Variants in NDUFAB1 observed in about 807,000 individuals in gnomAD.
The protein encoded by NDUFAB1 is NADH:ubiquinone oxidoreductase subunit AB1.
A neutral mutation model predicts 16.1 loss-of-function variants in NDUFAB1; 5 were observed. The observed-to-expected ratio is 0.31, with a 90% CI of 0.16 to 0.65. The LOEUF (loss-of-function observed/expected upper bound fraction) is 0.65, where lower values mean the gene tolerates loss of function less well. Among genes scored for constraint, NDUFAB1 ranks in the 30% least tolerant of loss-of-function variants. The pLI is 0.77. For missense variants in NDUFAB1, 187 were observed against 205.3 expected (o/e 0.91, Z 0.54); for synonymous variants, 85 against 78.4 (o/e 1.08, Z -0.44).
chr16:23,582,778 C>G (rs1323470229), intron 3 of NDUFAB1, among the ~76,000 whole-genome samples: 2 of 149,610 alleles, frequency 1.3e-5, no homozygotes, highest in Non-Finnish European at 3.0e-5. Context: ...CTCCCTCTCC[C>G]CAAGGTCTCC....
At chr16:23,586,167 C>A (rs1966231234) in intron 2 of NDUFAB1, among the ~76,000 whole-genome samples, 1 of 152,108 alleles carries the variant, frequency 6.6e-6, no homozygotes, top group African/African-American at 2.4e-5. Context: ...ACCTCGTGAT[C>A]CACCCACCTT....
chr16:23,594,416 C>G (rs181284), intron 1 of NDUFAB1, among the ~76,000 whole-genome samples: 18,460 of 151,932 alleles, frequency 0.12, 1,299 homozygotes, highest in African/African-American at 0.2. Flanking sequence ...GCAGTGGCAT[C>G]ATCTCAGCTC....
intron 1 of NDUFAB1, among the ~76,000 whole-genome samples, chr16:23,588,970 G>A (rs895402386): frequency 5.3e-5 from 8 of 151,986 alleles, no homozygotes; most frequent in Admixed American, 3.3e-4. Flanking sequence ...GCGAGACTCT[G>A]TCTCAAAAAA....
chr16:23,588,912 T>C (rs940470958), intron 1 of NDUFAB1, among the ~76,000 whole-genome samples: 1 of 151,688 alleles, frequency 6.6e-6, no homozygotes. Context: ...CAGACAGAGG[T>C]TGCAGTGAGC....
chr16:23,588,623 A>G (rs543299565), intron 1 of NDUFAB1, among the ~76,000 whole-genome samples: 2 of 152,300 alleles, frequency 1.3e-5, no homozygotes, highest in East Asian at 1.9e-4. Flanking sequence ...AAATCATAAT[A>G]AATACTGCCC....
At chr16:23,582,841 T>C (rs1361288865) in intron 3 of NDUFAB1, among the ~76,000 whole-genome samples, 1 of 151,076 alleles carries the variant, frequency 6.6e-6, no homozygotes, top group African/African-American at 2.4e-5. Flanking sequence ...TCTCCCTCTC[T>C]TTCCATGGTC....
chr16:23,591,805 T>C (rs1181668518), intron 1 of NDUFAB1, among the ~76,000 whole-genome samples: 3 of 152,182 alleles, frequency 2.0e-5, no homozygotes, highest in Middle Eastern at 3.2e-3. Flanking sequence ...CACTGAGAGA[T>C]TGGTCAAGTA....
At position 23,582,260 on chromosome 16, in the gene NDUFAB1, T is replaced by G. The variant is rs1188482717; in HGVS notation, c.*8+16A>C. On this transcript the variant is annotated intron_variant, in intron 4 of 4. Coordinates refer to ENST00000007516, the MANE Select transcript of NDUFAB1 (RefSeq NM_005003.3). Reference sequence around the variant, plus strand: ...GACAAATCTATGGGTGAACATCATTTTTTAAGTCTATTTACCTGATACTTT... The same window carrying G: ...GACAAATCTATGGGTGAACATCATTGTTTAAGTCTATTTACCTGATACTTT... The G allele has an allele frequency of 6.8e-7, 1 of 1,460,706 alleles. No homozygotes were observed. Among genetic ancestry groups the G allele is most frequent in the Admixed American group, 2.9e-5 (1 of 34,088 alleles). The allele number at this position is 1,460,706 out of a possible 1,614,324, so 90.5% of individuals were successfully genotyped here. A position where few individuals can be genotyped will look rare whatever the true frequency, so the allele number is the denominator to read the frequency against.
intron 1 of NDUFAB1, among the ~76,000 whole-genome samples, chr16:23,594,025 C>A (rs112401823): frequency 1.3e-5 from 2 of 151,836 alleles, no homozygotes; most frequent in African/African-American, 4.8e-5. Context: ...GGACTACAGG[C>A]GCCCGCCACC....
intron 3 of NDUFAB1, among the ~76,000 whole-genome samples, chr16:23,583,563 G>A (rs1202741788): frequency 1.3e-5 from 2 of 150,972 alleles, no homozygotes; most frequent in Non-Finnish European, 2.9e-5. Flanking sequence ...TGGGAGGTGA[G>A]GAGCGTCTCT....
At chr16:23,594,242 C>T (rs927315877) in intron 1 of NDUFAB1, among the ~76,000 whole-genome samples, 8 of 151,998 alleles carry the variant, frequency 5.3e-5, no homozygotes, top group Admixed American at 3.9e-4. Context: ...GGGCAGTGCC[C>T]AATGAATGAA....
chr16:23,590,305 C>T (rs955776116), intron 1 of NDUFAB1, among the ~76,000 whole-genome samples: 1 of 152,190 alleles, frequency 6.6e-6, no homozygotes, highest in African/African-American at 2.4e-5. Flanking sequence ...AGAGCTCAGA[C>T]GCTGAAACTA....
chr16:23,590,640 T>C (rs421539), intron 1 of NDUFAB1, among the ~76,000 whole-genome samples: 5 of 114,320 alleles, frequency 4.4e-5, no homozygotes, highest in South Asian at 2.6e-4. Flanking sequence ...TCTGGTCTCT[T>C]TTTTTTTTTT....
At chr16:23,594,552 CTG>C (rs1205890114) in intron 1 of NDUFAB1, among the ~76,000 whole-genome samples, 5 of 151,792 alleles carry the variant, frequency 3.3e-5, no homozygotes, top group African/African-American at 7.3e-5. Context: ...CGGGGTTTCA[CTG>C]TGTTAGCCAG....
rs1597056164 is a variant in NDUFAB1 at position 23,591,700 on chromosome 16, C to A, written c.169-4381G>T. On this transcript the variant is annotated intron_variant, in intron 1 of 4. Transcript: ENST00000007516. The stretch of plus-strand genomic sequence containing the variant: ...CATGATATGCTCACTCTCTTCCCCC[C>A]AACAATGTTCCCTTCCAGACACCCT... Among the ~76,000 whole-genome samples the A allele has an allele frequency of 2.0e-5, 3 of 152,310 alleles. No individual in the cohort carries two copies. The East Asian group carries it at 5.8e-4, about 29-fold the overall frequency.
chr16:23,588,338 C>T (rs1490664698), intron 1 of NDUFAB1, among the ~76,000 whole-genome samples: 1 of 151,770 alleles, frequency 6.6e-6, no homozygotes, highest in Admixed American at 6.6e-5. Context: ...GCCTGTAATC[C>T]CAGCTACTCA....
intron 1 of NDUFAB1, among the ~76,000 whole-genome samples, chr16:23,589,740 G>A (rs890491912): frequency 1.3e-5 from 2 of 148,696 alleles, no homozygotes; most frequent in African/African-American, 2.5e-5. Context: ...TTTAAGACCA[G>A]CCTGCCCAAC....
intron 1 of NDUFAB1, among the ~76,000 whole-genome samples, chr16:23,593,087 G>C (rs768629847): frequency 6.6e-5 from 10 of 152,194 alleles, no homozygotes; most frequent in Non-Finnish European, 1.3e-4. Flanking sequence ...TTGAGCCCAA[G>C]AGTTCACAAC....
intron 3 of NDUFAB1, among the ~76,000 whole-genome samples, chr16:23,583,375 G>A (rs1221795438): frequency 7.2e-6 from 1 of 138,490 alleles, no homozygotes; most frequent in African/African-American, 2.7e-5. Context: ...TGTGGGGAGC[G>A]CCTCTGCCCG....
Sources: allele counts gnomAD v4.1 joint callset (sites outside exome capture counted in the v4.1 genomes callset), GRCh38; gene constraint gnomAD v4.1.1; transcripts MANE v1.5; gene names NCBI Gene and HGNC (gene_info 2026-07-23, HGNC 2026-07-21).